UNC5D: variants seen among roughly 807,000 people sequenced by gnomAD.
The protein encoded by UNC5D is netrin receptor UNC5D.
A neutral mutation model predicts 105.4 loss-of-function variants in UNC5D; 39 were observed. That is an observed-to-expected ratio of 0.37 (90% CI 0.29 to 0.48). The LOEUF is 0.48. Ranked by LOEUF, UNC5D falls within the 20% of genes least tolerant of loss-of-function variation. The probability of loss-of-function intolerance (pLI) is 0.98; values close to 1 mark genes in which losing one functional copy is unlikely to be tolerated. For synonymous variants in UNC5D, 452 were observed against 450.4 expected (o/e 1.00, Z -0.04); for missense variants, 991 against 1,202.4 (o/e 0.82, Z 2.60).
chr8:35,368,355 A>G (rs967397282), intron 1 of UNC5D, among the ~76,000 whole-genome samples: 1 of 151,902 alleles, frequency 6.6e-6, no homozygotes, highest in Non-Finnish European at 1.5e-5. Flanking sequence ...ATGCACACCC[A>G]CCCACCCACA....
At chr8:35,712,262 C>T (rs1828011394) in intron 8 of UNC5D, among the ~76,000 whole-genome samples, 1 of 152,170 alleles carries the variant, frequency 6.6e-6, no homozygotes, top group Non-Finnish European at 1.5e-5. Context: ...CAGAGTGAGA[C>T]TCCATTTCAA....
intron 1 of UNC5D, among the ~76,000 whole-genome samples, chr8:35,309,583 G>T (rs918500379): frequency 1.3e-5 from 2 of 152,170 alleles, no homozygotes; most frequent in African/African-American, 2.4e-5. Flanking sequence ...CAATCCCAAA[G>T]GTTAGTTGTG....
intron 8 of UNC5D, among the ~76,000 whole-genome samples, chr8:35,712,933 A>AT (rs1828044819): frequency 1.3e-5 from 2 of 151,948 alleles, no homozygotes; most frequent in South Asian, 4.1e-4. Flanking sequence ...CCTGCTGATC[A>AT]TTTTCAATTA....
At chr8:35,411,488 A>T (rs187570539) in intron 1 of UNC5D, among the ~76,000 whole-genome samples, 1 of 152,202 alleles carries the variant, frequency 6.6e-6, no homozygotes, top group East Asian at 1.9e-4. Context: ...CCACTTACTC[A>T]TGTGTGCTGA....
At chr8:35,616,963 G>A (rs527793218) in intron 4 of UNC5D, among the ~76,000 whole-genome samples, 2 of 152,266 alleles carry the variant, frequency 1.3e-5, no homozygotes, top group Admixed American at 6.5e-5. Flanking sequence ...CTGGGATGCC[G>A]CCACATAAGG....
chr8:35,428,344 CTAT>C (rs1806383538), intron 1 of UNC5D, among the ~76,000 whole-genome samples: 1 of 90,644 alleles, frequency 1.1e-5, no homozygotes, highest in African/African-American at 5.6e-5. Context: ...CCATGCCTGG[CTAT>C]TTTTTTTTTT....
chr8:35,620,264 G>A (rs1821279910), intron 4 of UNC5D, among the ~76,000 whole-genome samples: 1 of 152,142 alleles, frequency 6.6e-6, no homozygotes, highest in Non-Finnish European at 1.5e-5. Context: ...TTGGAGGCAG[G>A]TAGGAAACTC....
At chr8:35,699,265 G>T (rs756766961) in intron 7 of UNC5D, among the ~76,000 whole-genome samples, 1 of 151,968 alleles carries the variant, frequency 6.6e-6, no homozygotes, top group African/African-American at 2.4e-5. Context: ...AGTCCCCCCA[G>T]TTTGAAAGAA....
chr8:35,411,170 G>A (rs1805139978), intron 1 of UNC5D, among the ~76,000 whole-genome samples: 1 of 151,948 alleles, frequency 6.6e-6, no homozygotes, highest in Admixed American at 6.6e-5. Flanking sequence ...TTCTAGCGAC[G>A]ACCCATGGCT....
chr8:35,497,673 A>T (rs1196771666), intron 1 of UNC5D, among the ~76,000 whole-genome samples: 6 of 151,138 alleles, frequency 4.0e-5, no homozygotes, highest in Admixed American at 3.9e-4. Flanking sequence ...AAGACGGGGG[A>T]ATAATTATGG....
rs552316201 is a variant in UNC5D, at chr8:35,405,044, A to T, written c.104-144248A>T. ...TACCTCACTATTAGTGCACATATTT[A>T]AAAAATATATTTGGATGTATTTATG... On this transcript the variant is annotated intron_variant, in intron 1 of 16. Transcript: ENST00000404895. Among the ~76,000 whole-genome samples the T allele has an allele frequency of 6.6e-5, 10 of 152,332 alleles. No homozygotes were observed. In the East Asian group the frequency reaches 1.9e-3, roughly 29 times the overall value.
At chr8:35,287,047 C>A (rs1030837272) in intron 1 of UNC5D, among the ~76,000 whole-genome samples, 3 of 152,172 alleles carry the variant, frequency 2.0e-5, no homozygotes, top group Non-Finnish European at 4.4e-5. Flanking sequence ...CAGGAAGCAG[C>A]TCAGCCCAAT....
intron 2 of UNC5D, among the ~76,000 whole-genome samples, chr8:35,552,549 G>A (rs1816242210): frequency 6.6e-6 from 1 of 152,026 alleles, no homozygotes; most frequent in African/African-American, 2.4e-5. Flanking sequence ...TTCCATCTTC[G>A]TAAAAGCCAA....
At chr8:35,466,631 C>G (rs1193899599) in intron 1 of UNC5D, among the ~76,000 whole-genome samples, 1 of 151,996 alleles carries the variant, frequency 6.6e-6, no homozygotes, top group Non-Finnish European at 1.5e-5. Flanking sequence ...GGACGCCATT[C>G]AAAAATGGAA....
At chr8:35,288,992 A>G (rs948237785) in intron 1 of UNC5D, among the ~76,000 whole-genome samples, 9 of 152,328 alleles carry the variant, frequency 5.9e-5, no homozygotes, top group Non-Finnish European at 1.0e-4. Flanking sequence ...AGACAGTAGC[A>G]GGTTCTTACC....
At chr8:35,490,147 C>T (rs1811108964) in intron 1 of UNC5D, among the ~76,000 whole-genome samples, 1 of 152,094 alleles carries the variant, frequency 6.6e-6, no homozygotes, top group Admixed American at 6.5e-5. Context: ...TTAGCAATTT[C>T]CTTTCCTCTC....
intron 4 of UNC5D, among the ~76,000 whole-genome samples, chr8:35,607,505 G>A (rs996708178): frequency 5.9e-5 from 9 of 152,120 alleles, no homozygotes; most frequent in Non-Finnish European, 1.0e-4. Context: ...ATACTGATAT[G>A]ATTGTGCTTT....
At chr8:35,543,360 C>T (rs1563518534) in intron 1 of UNC5D, among the ~76,000 whole-genome samples, 1 of 152,178 alleles carries the variant, frequency 6.6e-6, no homozygotes, top group Non-Finnish European at 1.5e-5. Context: ...TTCACTTAAA[C>T]AATAATCCAA....
At chr8:35,263,369 A>G (rs1479155665) in intron 1 of UNC5D, among the ~76,000 whole-genome samples, 2 of 152,198 alleles carry the variant, frequency 1.3e-5, no homozygotes, top group East Asian at 3.9e-4. Context: ...TGTGTGTAGC[A>G]CATGATACTT....
Sources: gnomAD v4.1 joint callset for allele counts (sites outside exome capture counted in the v4.1 genomes callset) on GRCh38, gnomAD v4.1.1 for gene constraint, MANE v1.5 for transcripts, NCBI Gene and HGNC (gene_info 2026-07-23, HGNC 2026-07-21) for gene names.